KDM5A: variants seen among roughly 807,000 people sequenced by gnomAD.
The protein encoded by KDM5A is lysine demethylase 5A.
Under a neutral mutation model 193.5 loss-of-function variants are expected in KDM5A, and 42 were observed. The observed-to-expected ratio is 0.22, with a 90% CI of 0.17 to 0.28. KDM5A has a LOEUF of 0.28. KDM5A is among the 10% of genes least tolerant of loss of function. The pLI, the probability that KDM5A is intolerant of heterozygous loss-of-function variation, is 1.00. For synonymous variants in KDM5A, 796 were observed against 718.1 expected, an observed-to-expected ratio of 1.11 and a Z score of -1.73; for missense variants, 1,692 against 2,055.1, an observed-to-expected ratio of 0.82 and a Z score of 3.42.
In KDM5A at chr12:322,511, T is replaced by C; in HGVS notation, c.2332A>G (p.Asn778Asp). 1 of 1,613,032 alleles carries C rather than the reference T, an allele frequency of 6.2e-7. No homozygotes were observed. The highest frequency in any genetic ancestry group is 8.5e-7 in the Non-Finnish European group (1 of 1,179,218). ...TCCCTGAGTTTTCGAAAGAGATCAT[T>C]CTCTGGGTATTTCCTATCCTCAGCA... ...EDAEDRKYPE[N>D]DLFRKLRDAV... The change falls in exon 17 of 28, where the codon AAT becomes GAT. Residue 778 changes from asparagine (N) to aspartate (D), a missense_variant. Asn to Asp is a conservative substitution (Grantham distance 23). This residue lies in a region of KDM5A where 965 missense variants were observed against 1,061.0 expected (regional missense o/e 0.91). Coordinates refer to ENST00000399788, the MANE Select transcript of KDM5A (RefSeq NM_001042603.3).
intron 10 of KDM5A, among the ~76,000 whole-genome samples, chr12:341,698 G>A (rs1043919838): frequency 1.3e-5 from 2 of 152,074 alleles, no homozygotes; most frequent in East Asian, 1.9e-4. Context: ...TCAGGAGCTC[G>A]AGACCAGCTG....
rs199879384 is a variant in KDM5A at position 328,914 on chromosome 12, C to A, written c.1889G>T (p.Gly630Val). 6.2e-7 allele frequency: 1 copy of A among 1,614,070 alleles called. No homozygotes were observed. The highest frequency in any genetic ancestry group is 1.3e-5 in the African/African-American group (1 of 74,926). The change falls in exon 14 of 28, where the codon GGG (glycine) becomes GTG (valine). Residue 630 changes from glycine to valine, a missense_variant. Gly to Val is a moderately radical substitution (Grantham distance 109). Around this residue, in one of 11 missense-constraint regions of KDM5A, gnomAD observed 88 missense variants for 124.6 expected, o/e 0.71. Transcript: ENST00000399788. ...TTCTTTGCAGACCATGGCAGCCAGC[C>A]CCACATCTAAGCATTCTGGATCTGC... is the stretch of plus-strand genomic sequence containing the variant. ...MAADPECLDV[G>V]LAAMVCKELT...
intron 5 of KDM5A, among the ~76,000 whole-genome samples, chr12:358,512 T>C (rs942697959): frequency 4.6e-5 from 7 of 152,188 alleles, no homozygotes; most frequent in African/African-American, 1.7e-4. Context: ...GTTGAGTAAA[T>C]AGTATATGCC....
chr12:360,082 G>A (rs1465745672), intron 5 of KDM5A, among the ~76,000 whole-genome samples: 3 of 152,044 alleles, frequency 2.0e-5, no homozygotes, highest in African/African-American at 7.2e-5. Context: ...AGACCAGCCT[G>A]GCCAAAATGG....
At chr12:348,976 C>A in intron 10 of KDM5A, among the ~76,000 whole-genome samples, 1 of 145,936 alleles carries the variant, frequency 6.9e-6, no homozygotes, top group South Asian at 2.1e-4. Context: ...AACACGCATT[C>A]AGTGAGGTGA....
At chr12:333,344 A>G (rs1943886523) in intron 12 of KDM5A, 143 bp downstream of exon 12, 1 of 843,618 alleles carries the variant, frequency 1.2e-6, no homozygotes. Flanking sequence ...GCTTGAGCTG[A>G]GCAGGCTGAG....
chr12:334,274 TC>T lies in KDM5A; in HGVS notation c.1456del (p.Asp486IlefsTer32). On this transcript the variant is annotated frameshift_variant, in exon 11 of 28. Transcript: ENST00000399788. LOFTEE classifies it high-confidence loss of function. ...GTAGTTGATGGAATAACTCCAGTGA[TC>T]CTCAATGTGCCAGCAAAAAGAAGAG... ...CFSSFCWHIE[D>X]HWSYSINYLH... 1 of 1,614,176 alleles carries T rather than the reference TC, an allele frequency of 6.2e-7. No homozygotes were observed.
chr12:305,979 T>G (rs948570367), intron 24 of KDM5A, among the ~76,000 whole-genome samples: 2 of 143,642 alleles, frequency 1.4e-5, no homozygotes, highest in Non-Finnish European at 3.0e-5. Flanking sequence ...GTTTTTTTTT[T>G]TTTTTTTTTT....
At chr12:386,056 G>C (rs1180554504) in intron 1 of KDM5A, 82 bp from the exon 2 acceptor site, 2 of 1,005,838 alleles carry the variant, frequency 2.0e-6, no homozygotes, top group East Asian at 4.8e-5. Flanking sequence ...GGGGGGTTTT[G>C]CCACAAATCA....
intron 18 of KDM5A, among the ~76,000 whole-genome samples, chr12:319,324 A>G (rs1173294609): frequency 2.6e-5 from 4 of 152,222 alleles, no homozygotes; most frequent in Non-Finnish European, 5.9e-5. Flanking sequence ...AGTGGTGTAG[A>G]GCATAGTTTA....
intron 3 of KDM5A, among the ~76,000 whole-genome samples, chr12:375,739 G>A (rs1384663217): frequency 3.3e-5 from 5 of 152,230 alleles, no homozygotes; most frequent in African/African-American, 1.2e-4. Context: ...TGATGATGGT[G>A]ATGTACAAAT....
chr12:343,524 A>AT (rs1944033470), intron 10 of KDM5A, among the ~76,000 whole-genome samples: 1 of 152,178 alleles, frequency 6.6e-6, no homozygotes, highest in Admixed American at 6.5e-5. Flanking sequence ...CAGACACTTC[A>AT]TATAGACAGC....
intron 14 of KDM5A, among the ~76,000 whole-genome samples, chr12:326,893 A>G (rs1365009938): frequency 1.5e-5 from 2 of 135,402 alleles, no homozygotes; most frequent in Non-Finnish European, 3.3e-5. Flanking sequence ...AAAAAAAAAG[A>G]AAAGAAACCA....
chr12:335,232 C>T (rs527752105), intron 10 of KDM5A, among the ~76,000 whole-genome samples: 1 of 152,306 alleles, frequency 6.6e-6, no homozygotes, highest in South Asian at 2.1e-4. Context: ...ACAGGGGCTT[C>T]TACTTGGATA....
chr12:338,085 C>A (rs1943956782), intron 10 of KDM5A, among the ~76,000 whole-genome samples: 1 of 152,160 alleles, frequency 6.6e-6, no homozygotes, highest in Non-Finnish European at 1.5e-5. Context: ...CAGCAGTATG[C>A]ACAAAGGAGT....
In KDM5A at chr12:383,988, T is replaced by A. The variant is rs776979295; in HGVS notation, c.366+43A>T. On this transcript the variant is annotated intron_variant, in intron 3 of 27. Coordinates refer to ENST00000399788, the MANE Select transcript of KDM5A (RefSeq NM_001042603.3). ...CCAAATCTATTTGATATTCCTAAAT[T>A]CACAAGCCTGTGCTCTAATTTCTAA... is the stretch of plus-strand genomic sequence containing the variant. 28 of 1,599,766 alleles carry A rather than the reference T, an allele frequency of 1.8e-5. No homozygotes were observed. In the Admixed American group the frequency reaches 4.5e-4, roughly 26 times the overall value.
At chr12:351,858 C>T (rs918833489) in intron 9 of KDM5A, among the ~76,000 whole-genome samples, 1 of 151,860 alleles carries the variant, frequency 6.6e-6, no homozygotes, top group African/African-American at 2.4e-5. Context: ...AATCCCAGAA[C>T]TTTGGGAGGC....
intron 27 of KDM5A, among the ~76,000 whole-genome samples, chr12:289,221 T>G (rs1943257545): frequency 6.6e-6 from 1 of 152,130 alleles, no homozygotes; most frequent in Admixed American, 6.5e-5. Flanking sequence ...TATTAAATAT[T>G]TATTCTAATA....
chr12:337,670 A>ACT (rs1943951937), intron 10 of KDM5A, among the ~76,000 whole-genome samples: 2 of 149,632 alleles, frequency 1.3e-5, no homozygotes, highest in Non-Finnish European at 3.0e-5. Context: ...TTTGAGACAG[A>ACT]GTCTCACTGT....
Sources: gnomAD v4.1 joint callset for allele counts (sites outside exome capture counted in the v4.1 genomes callset) on GRCh38, gnomAD v4.1.1 for gene constraint, gnomAD v4.1.1 regional missense constraint, MANE v1.5 for transcripts, NCBI Gene and HGNC (gene_info 2026-07-23, HGNC 2026-07-21) for gene names.